TRAM2: variants seen among roughly 807,000 people sequenced by gnomAD.
The protein encoded by TRAM2 is translocation associated membrane protein 2.
A neutral mutation model predicts 51.0 loss-of-function variants in TRAM2; 12 were observed. The ratio of observed to expected loss-of-function variants is 0.24; its 90% CI spans 0.15 to 0.38. The LOEUF (loss-of-function observed/expected upper bound fraction) is 0.38. TRAM2 is among the 10% of genes least tolerant of loss of function. The pLI is 1.00. For synonymous variants in TRAM2, 175 were observed against 179.4 expected (o/e 0.98, Z 0.20); for missense variants, 361 against 462.0 (o/e 0.78, Z 2.00).
Position 52,576,689 on chromosome 6 carries a change from G to C in TRAM2, c.120+107C>G, listed in dbSNP as rs112031752. Reference sequence around the variant, plus strand: ...CGGGGTGCAGATAACGTACACGGCAGCCAGGAGCCTCCGATCAGAGGAGGG... The same window carrying C: ...CGGGGTGCAGATAACGTACACGGCACCCAGGAGCCTCCGATCAGAGGAGGG... On this transcript the variant is annotated intron_variant, in intron 1 of 10. Coordinates refer to ENST00000182527, the MANE Select transcript of TRAM2 (RefSeq NM_012288.4). The C allele has an allele frequency of 5.7e-5, 82 of 1,433,164 alleles. No homozygotes were observed. The African/African-American group carries it at 9.9e-4, about 17-fold the overall frequency. The allele number at this position is 1,433,164 out of a possible 1,614,324, so 88.8% of individuals were successfully genotyped here.
At chr6:52,544,225 A>G (rs944951470) in intron 1 of TRAM2, among the ~76,000 whole-genome samples, 1 of 152,216 alleles carries the variant, frequency 6.6e-6, no homozygotes, top group Admixed American at 6.5e-5. Context: ...GTAGGGGCAC[A>G]TAAAGACAGG....
intron 1 of TRAM2, among the ~76,000 whole-genome samples, chr6:52,564,506 C>A (rs1038856325): frequency 6.6e-6 from 1 of 152,106 alleles, no homozygotes; most frequent in African/African-American, 2.4e-5. Context: ...ACTCCCTCTC[C>A]CCAGCACATC....
intron 1 of TRAM2, among the ~76,000 whole-genome samples, chr6:52,576,237 G>C (rs1767762692): frequency 6.6e-6 from 1 of 152,236 alleles, no homozygotes; most frequent in African/African-American, 2.4e-5. Context: ...GACGAGAGCA[G>C]AAGGCCACTG....
rs960806631 is a variant in TRAM2 at position 52,502,602 on chromosome 6, T to C, written c.*595A>G. On this transcript the variant is annotated 3_prime_UTR_variant, in exon 11 of 11. Coordinates refer to ENST00000182527, the MANE Select transcript of TRAM2 (RefSeq NM_012288.4). Reference sequence around the variant, plus strand: ...CATTTACAACGAGCAGTGGCTGCTGTGCCTCAAGATGGTACATGCAGAACT... The same window carrying C: ...CATTTACAACGAGCAGTGGCTGCTGCGCCTCAAGATGGTACATGCAGAACT... The C allele has an allele frequency of 6.6e-6, 1 of 152,346 alleles. No individual in the cohort carries two copies. The highest frequency in any genetic ancestry group is 1.5e-5 in the Non-Finnish European group (1 of 68,162). 9.4% of individuals were successfully genotyped at this position (152,346 alleles called of 1,614,324 possible).
intron 1 of TRAM2, among the ~76,000 whole-genome samples, chr6:52,570,795 A>AC (rs59879346): frequency 0.33 from 21,161 of 63,698 alleles, 3,122 homozygotes; most frequent in Non-Finnish European, 0.42. Context: ...CCTGCCCACC[A>AC]CCCCCCCCCC....
Position 52,502,979 on chromosome 6 carries a change from G to A in TRAM2, c.*218C>T, listed in dbSNP as rs1486730472. ...CAGGAGGTGGCCTGAGGGGGAGAAA[G>A]AGAAAGATTTTTGGCTTTATTGAGA... On this transcript the variant is annotated 3_prime_UTR_variant, in exon 11 of 11. Transcript: ENST00000182527. 1.3e-5 allele frequency: 8 copies of A among 598,884 alleles called. No individual in the cohort carries two copies. Among genetic ancestry groups the A allele is most frequent in the South Asian group, 8.0e-5 (4 of 49,900 alleles). 37.1% of individuals were successfully genotyped at this position (598,884 alleles called of 1,614,324 possible).
At chr6:52,529,819 T>C (rs1766853769) in intron 2 of TRAM2, 1 of 152,260 alleles carries the variant, frequency 6.6e-6, no homozygotes, top group Non-Finnish European at 1.5e-5. Flanking sequence ...TCACCTGTTC[T>C]AGATCAGAAA....
At chr6:52,554,697 A>G (rs1437270419) in intron 1 of TRAM2, among the ~76,000 whole-genome samples, 3 of 151,266 alleles carry the variant, frequency 2.0e-5, no homozygotes, top group South Asian at 2.1e-4. Flanking sequence ...ACCAAAGGCC[A>G]TTTCATCCAT....
intron 1 of TRAM2, among the ~76,000 whole-genome samples, chr6:52,554,475 ATGTCACTGCACTCCAGCC>A (rs146654469): frequency 0.2 from 29,335 of 147,350 alleles, 3,679 homozygotes; most frequent in Non-Finnish European, 0.28. Context: ...AGCAGATATC[ATGTCACTGCACTCCAGCC>A]TGGGCAACAG....
intron 1 of TRAM2, among the ~76,000 whole-genome samples, chr6:52,571,450 G>C (rs947859428): frequency 6.6e-6 from 1 of 152,190 alleles, no homozygotes; most frequent in East Asian, 1.9e-4. Flanking sequence ...CAGCGCCCTC[G>C]AGAAACGAGT....
intron 4 of TRAM2, among the ~76,000 whole-genome samples, chr6:52,511,251 C>T (rs753329104): frequency 2.6e-5 from 4 of 152,154 alleles, no homozygotes; most frequent in Admixed American, 6.5e-5. Flanking sequence ...ATTACAAGCA[C>T]GCAACACCAC....
At chr6:52,553,319 C>T (rs1302578494) in intron 1 of TRAM2, among the ~76,000 whole-genome samples, 1 of 152,186 alleles carries the variant, frequency 6.6e-6, no homozygotes, top group African/African-American at 2.4e-5. Flanking sequence ...AAATATGTAA[C>T]TCATTAATAC....
chr6:52,566,942 G>A (rs979078353), intron 1 of TRAM2, among the ~76,000 whole-genome samples: 8 of 152,336 alleles, frequency 5.3e-5, no homozygotes, highest in East Asian at 1.9e-4. Context: ...TCAAGTGACT[G>A]TACTTGCCTC....
chr6:52,529,513 G>A (rs948420939), intron 2 of TRAM2: 4 of 152,200 alleles, frequency 2.6e-5, no homozygotes, highest in Non-Finnish European at 5.9e-5. Context: ...CAGGTCTGCG[G>A]TGGGGCCTGA....
chr6:52,530,712 A>G (rs2092625), intron 2 of TRAM2, among the ~76,000 whole-genome samples: 135,205 of 152,064 alleles, frequency 0.89, 60,134 homozygotes, highest in East Asian at 0.96. Context: ...AGAGCCTTCC[A>G]AGGAGCGCGG....
intron 1 of TRAM2, among the ~76,000 whole-genome samples, chr6:52,572,824 T>C (rs978828748): frequency 1.4e-4 from 21 of 152,168 alleles, no homozygotes; most frequent in African/African-American, 5.1e-4. Context: ...TCCCATTGTA[T>C]ATGCTACAAA....
chr6:52,501,460 G>A lies in TRAM2; in HGVS notation c.*1737C>T, dbSNP rs981953247. On this transcript the variant is annotated 3_prime_UTR_variant, in exon 11 of 11. Coordinates refer to ENST00000182527, the MANE Select transcript of TRAM2 (RefSeq NM_012288.4). ...GTTTCTACTGTGATGTCAGAAAGATGACCAGTATTCCAAATGACACTACTA... is the reference window on the plus strand; with the variant it reads ...GTTTCTACTGTGATGTCAGAAAGATAACCAGTATTCCAAATGACACTACTA... 1 of 152,194 alleles carries A rather than the reference G, an allele frequency of 6.6e-6. No homozygotes were observed. The highest frequency in any genetic ancestry group is 2.4e-5 in the African/African-American group (1 of 41,444). 9.4% of individuals were successfully genotyped at this position (152,194 alleles called of 1,614,324 possible).
rs756014107 is a variant in TRAM2, at chr6:52,516,647, A to C, written c.275T>G (p.Val92Gly). 1.9e-6 allele frequency: 3 copies of C among 1,613,906 alleles called. No homozygotes were observed. Among genetic ancestry groups the C allele is most frequent in the South Asian group, 2.2e-5 (2 of 91,090 alleles). Residue 92 changes from valine (V) to glycine (G), a missense_variant, in exon 3 of 11, where the codon GTT becomes GGT. Transcript: ENST00000182527. ...ACTTACATCTAAAATGTACTCCTGA[A>C]CCACAGCATGCAAGATGATGGTGAT... ...IFITIILHAV[V>G]QEYILDKISK...
intron 1 of TRAM2, among the ~76,000 whole-genome samples, chr6:52,573,061 AGCC>A (rs926417117): frequency 6.6e-6 from 1 of 152,174 alleles, no homozygotes; most frequent in African/African-American, 2.4e-5. Flanking sequence ...GCAGCTTTAG[AGCC>A]TGTAAATGAG....
Sources: allele counts gnomAD v4.1 joint callset (sites outside exome capture counted in the v4.1 genomes callset), GRCh38; gene constraint gnomAD v4.1.1; transcripts MANE v1.5; gene names NCBI Gene and HGNC (gene_info 2026-07-23, HGNC 2026-07-21).